The following CSMD3 variants were observed in gnomAD, a reference collection of about 807,000 sequenced individuals.
The protein encoded by CSMD3 is CUB and sushi domain-containing protein 3.
A neutral mutation model predicts 435.2 loss-of-function variants in CSMD3; 177 were observed. The ratio of observed to expected loss-of-function variants is 0.41; its 90% confidence interval spans 0.36 to 0.46. The LOEUF (loss-of-function observed/expected upper bound fraction) is 0.46, where lower values mean the gene tolerates loss of function less well. Among genes scored for constraint, CSMD3 ranks in the 20% least tolerant of loss-of-function variants. CSMD3 has a pLI of 0.34. For missense variants in CSMD3, 4,265 were observed against 4,504.6 expected (o/e 0.95, Z 1.52); for synonymous variants, 1,656 against 1,520.5 (o/e 1.09, Z -2.07).
chr8:112,295,586 ATATATT>A (rs1820179871), intron 54 of CSMD3, among the ~76,000 whole-genome samples: 1 of 151,610 alleles, frequency 6.6e-6, no homozygotes, highest in Non-Finnish European at 1.5e-5. Flanking sequence ...TATCAATATT[ATATATT>A]TATATTAAAT....
chr8:112,451,170 T>C (rs933471953), intron 32 of CSMD3, among the ~76,000 whole-genome samples: 3 of 152,232 alleles, frequency 2.0e-5, no homozygotes, highest in African/African-American at 7.2e-5. Flanking sequence ...TTATATTTGC[T>C]ATTTCATTAC....
intron 22 of CSMD3, among the ~76,000 whole-genome samples, chr8:112,617,411 T>C (rs1312240671): frequency 1.3e-5 from 2 of 152,288 alleles, no homozygotes; most frequent in Admixed American, 1.3e-4. Context: ...AAAACACAAG[T>C]AAAATCTTTG....
At chr8:113,318,982 T>C (rs2093930573) in intron 1 of CSMD3, among the ~76,000 whole-genome samples, 1 of 152,102 alleles carries the variant, frequency 6.6e-6, no homozygotes, top group Admixed American at 6.6e-5. Context: ...ACATTTTGAC[T>C]ATTATGAATA....
chr8:113,008,292 G>A (rs1256201482), intron 6 of CSMD3, among the ~76,000 whole-genome samples: 1 of 151,694 alleles, frequency 6.6e-6, no homozygotes, highest in East Asian at 1.9e-4. Context: ...ATCATAAAGA[G>A]TGAACAATAA....
chr8:113,193,891 T>C (rs995027955), intron 3 of CSMD3, among the ~76,000 whole-genome samples: 3 of 151,440 alleles, frequency 2.0e-5, no homozygotes, highest in Non-Finnish European at 4.4e-5. Flanking sequence ...TTTAGAAGAT[T>C]TGGAGTTATT....
At chr8:112,306,262 GA>G in intron 50 of CSMD3, 70 bp from the exon 51 acceptor site, 1 of 1,162,600 alleles carries the variant, frequency 8.6e-7, no homozygotes, top group South Asian at 1.3e-5. Context: ...TAACTCTGCT[GA>G]ACTGTAAAAC....
chr8:112,377,318 A>G (rs923657477), intron 38 of CSMD3, among the ~76,000 whole-genome samples: 1 of 152,098 alleles, frequency 6.6e-6, no homozygotes, highest in Non-Finnish European at 1.5e-5. Flanking sequence ...CATAAAATCT[A>G]CATGGACCCA....
At chr8:112,399,101 G>A (rs530663390) in intron 35 of CSMD3, among the ~76,000 whole-genome samples, 46 of 151,846 alleles carry the variant, frequency 3.0e-4, no homozygotes, top group African/African-American at 1.1e-3. Context: ...ATTTTTAGTA[G>A]AGACCAGGTT....
chr8:113,325,856 CAGAG>C (rs2093980325), intron 1 of CSMD3, among the ~76,000 whole-genome samples: 1 of 152,054 alleles, frequency 6.6e-6, no homozygotes, highest in African/African-American at 2.4e-5. Flanking sequence ...GAATAAGTGA[CAGAG>C]AGTGAGGTGT....
intron 24 of CSMD3, 147 bp from the exon 25 acceptor site, chr8:112,557,101 AC>A: frequency 3.2e-6 from 2 of 619,618 alleles, no homozygotes; most frequent in Non-Finnish European, 5.7e-6. Context: ...TTCGTATCAT[AC>A]AACAACCATG....
rs370284718 is a variant in CSMD3 at position 112,488,923 on chromosome 8, C to T, written c.5278+3566G>A. On this transcript the variant is annotated intron_variant, in intron 31 of 70. Transcript: ENST00000297405. The stretch of plus-strand genomic sequence containing the variant: ...GAAATCAGAATCTTCAGCTTCTGAC[C>T]AATAAGAGGATAGAGAGGGATAAGG... Among the ~76,000 whole-genome samples, 20 of 151,802 alleles carry T rather than the reference C, an allele frequency of 1.3e-4. No individual in the cohort carries two copies. In the East Asian group the frequency reaches 3.5e-3, roughly 26 times the overall value.
At chr8:112,312,557 T>C (rs1389267830) in intron 49 of CSMD3, among the ~76,000 whole-genome samples, 1 of 152,036 alleles carries the variant, frequency 6.6e-6, no homozygotes, top group Non-Finnish European at 1.5e-5. Flanking sequence ...CGCCTGGCCA[T>C]GTTTCAGTTT....
intron 2 of CSMD3, chr8:113,313,448 A>T (rs1277612920): frequency 6.6e-6 from 1 of 152,082 alleles, no homozygotes. Context: ...CAGCCTCCCA[A>T]GTAGCTGGGT....
intron 1 of CSMD3, among the ~76,000 whole-genome samples, chr8:113,406,784 CATTT>C (rs1481704609): frequency 6.6e-6 from 1 of 151,922 alleles, no homozygotes; most frequent in Non-Finnish European, 1.5e-5. Flanking sequence ...TTGTAGCTGT[CATTT>C]ATTAAGAGCT....
chr8:113,010,833 CAG>C (rs2086231204), intron 6 of CSMD3, among the ~76,000 whole-genome samples: 1 of 151,314 alleles, frequency 6.6e-6, no homozygotes, highest in Non-Finnish European at 1.5e-5. Flanking sequence ...AATTATAAAC[CAG>C]AGTCACTACA....
At chr8:112,453,549 T>A (rs1033468399) in intron 32 of CSMD3, among the ~76,000 whole-genome samples, 11 of 152,078 alleles carry the variant, frequency 7.2e-5, no homozygotes, top group African/African-American at 2.7e-4. Flanking sequence ...AGAAATAATC[T>A]AACTAAGGGG....
chr8:112,855,809 C>CTTTTTT (rs34885472), intron 11 of CSMD3, among the ~76,000 whole-genome samples: 44 of 135,564 alleles, frequency 3.2e-4, no homozygotes, highest in Non-Finnish European at 5.0e-4. Flanking sequence ...CTTAGCGAAG[C>CTTTTTT]TTTTTTTTTT....
chr8:112,435,315 A>G (rs1814207037), intron 32 of CSMD3, among the ~76,000 whole-genome samples: 1 of 152,094 alleles, frequency 6.6e-6, no homozygotes, highest in African/African-American at 2.4e-5. Context: ...AGTGCTCTAT[A>G]ACCATTATCT....
intron 6 of CSMD3, among the ~76,000 whole-genome samples, chr8:112,976,913 A>G (rs183580941): frequency 6.6e-6 from 1 of 151,856 alleles, no homozygotes; most frequent in African/African-American, 2.4e-5. Flanking sequence ...AGTTTTAACA[A>G]TTGGTTGGGA....
Sources: gnomAD v4.1 joint callset for allele counts (sites outside exome capture counted in the v4.1 genomes callset) on GRCh38, gnomAD v4.1.1 for gene constraint, MANE v1.5 for transcripts, NCBI Gene and HGNC (gene_info 2026-07-23, HGNC 2026-07-21) for gene names.